The following PLXDC2 variants were observed in gnomAD, a reference collection of about 807,000 sequenced individuals.
PLXDC2 encodes plexin domain containing 2.
Under a neutral mutation model 68.9 loss-of-function variants are expected in PLXDC2, and 40 were observed. The observed-to-expected ratio is 0.58, with a 90% confidence interval of 0.45 to 0.76. PLXDC2 has a LOEUF of 0.76. Ranked by LOEUF, PLXDC2 falls within the 30% of genes least tolerant of loss-of-function variation. The pLI is 0.00. For synonymous variants in PLXDC2, 243 were observed against 234.2 expected (o/e 1.04, Z -0.34); for missense variants, 644 against 661.9 (o/e 0.97, Z 0.30).
intron 12 of PLXDC2, among the ~76,000 whole-genome samples, chr10:20,236,736 T>C (rs1835437240): frequency 6.6e-6 from 1 of 152,118 alleles, no homozygotes. Context: ...AGGGTCTTGC[T>C]CTGTCACCCA....
chr10:20,284,887 G>A lies in PLXDC2; in HGVS notation c.*5068G>A, dbSNP rs1836131665. The A allele has an allele frequency of 6.6e-6, 1 of 152,156 alleles. No homozygotes were observed. The highest frequency in any genetic ancestry group is 6.5e-5 in the Admixed American group (1 of 15,272). The allele number at this position is 152,156 out of a possible 1,614,324, so 9.4% of individuals were successfully genotyped here. A position where few individuals can be genotyped will look rare whatever the true frequency, so the allele number is the denominator to read the frequency against. On this transcript the variant is annotated 3_prime_UTR_variant, in exon 14 of 14. Transcript: ENST00000377252. Reference sequence around the variant, plus strand: ...ATCTTTATCTTTTTGCTGACTTAAGGAGGCTGCTATTGTTGCAATATCCAG... The same window carrying A: ...ATCTTTATCTTTTTGCTGACTTAAGAAGGCTGCTATTGTTGCAATATCCAG...
In PLXDC2 at chr10:19,906,782, T is replaced by A. The variant is rs552745488; in HGVS notation, c.112+89591T>A. Reference sequence around the variant, plus strand: ...GTGTGTGTGTTGCTGCCCTTTTAAATGAGGTGGTCAGAGAAGATTTTCACA... The same window carrying A: ...GTGTGTGTGTTGCTGCCCTTTTAAAAGAGGTGGTCAGAGAAGATTTTCACA... On this transcript the variant is annotated intron_variant, in intron 1 of 13. Transcript: ENST00000377252. Among the ~76,000 whole-genome samples, 17 of 152,294 alleles carry A rather than the reference T, an allele frequency of 1.1e-4. No individual in the cohort carries two copies. The South Asian group carries it at 3.5e-3, about 32-fold the overall frequency.
In PLXDC2 at chr10:20,216,512, TC is replaced by T. The variant is rs551448642; in HGVS notation, c.1123-913del. On this transcript the variant is annotated intron_variant, in intron 10 of 13. Transcript: ENST00000377252. ...ATGAAAAGGAGGCTGTCTCAGGAAGTCTGCATTAACAAGGGGAAAGGCACCT... is the reference window on the plus strand; with the variant it reads ...ATGAAAAGGAGGCTGTCTCAGGAAGTTGCATTAACAAGGGGAAAGGCACCT... 2.3e-4 allele frequency among the ~76,000 whole-genome samples: 35 copies of T among 152,292 alleles called. No homozygotes were observed. The East Asian group carries it at 5.0e-3, about 22-fold the overall frequency.
intron 1 of PLXDC2, among the ~76,000 whole-genome samples, chr10:19,876,617 A>AG: frequency 6.6e-6 from 1 of 151,040 alleles, no homozygotes; most frequent in Non-Finnish European, 1.5e-5. Flanking sequence ...AAAAAAAAAA[A>AG]AAAAAAAAGA....
At chr10:20,263,350 A>C (rs763245018) in intron 13 of PLXDC2, among the ~76,000 whole-genome samples, 7 of 152,220 alleles carry the variant, frequency 4.6e-5, no homozygotes, top group Non-Finnish European at 1.0e-4. Context: ...CATACACAAA[A>C]ATCTACTCAA....
At chr10:20,258,092 C>T in intron 13 of PLXDC2, among the ~76,000 whole-genome samples, 1 of 149,804 alleles carries the variant, frequency 6.7e-6, no homozygotes, top group Admixed American at 6.7e-5. Flanking sequence ...ACCTCCGCCT[C>T]CCGAGTTCAA....
At chr10:20,140,113 A>T (rs1266813533) in intron 4 of PLXDC2, among the ~76,000 whole-genome samples, 1 of 152,090 alleles carries the variant, frequency 6.6e-6, no homozygotes, top group African/African-American at 2.4e-5. Flanking sequence ...ATCCTGGCTA[A>T]CACAGTAAAA....
chr10:19,886,853 T>G (rs938533639), intron 1 of PLXDC2, among the ~76,000 whole-genome samples: 1 of 152,228 alleles, frequency 6.6e-6, no homozygotes, highest in Non-Finnish European at 1.5e-5. Flanking sequence ...AATATGTATT[T>G]ATGTTAGCGT....
chr10:19,842,918 T>C (rs901035336), intron 1 of PLXDC2, among the ~76,000 whole-genome samples: 9 of 152,126 alleles, frequency 5.9e-5, no homozygotes, highest in African/African-American at 1.9e-4. Context: ...CTGACAGGAG[T>C]AACTAAAAAA....
chr10:20,114,115 C>G (rs1833593293), intron 4 of PLXDC2, among the ~76,000 whole-genome samples: 1 of 152,130 alleles, frequency 6.6e-6, no homozygotes, highest in Admixed American at 6.5e-5. Flanking sequence ...CAGAGTGAGA[C>G]CCCATGTCAA....
intron 4 of PLXDC2, among the ~76,000 whole-genome samples, chr10:20,085,583 A>G (rs770223031): frequency 7.9e-5 from 12 of 152,324 alleles, no homozygotes; most frequent in Middle Eastern, 3.4e-3. Flanking sequence ...TGTATACAAG[A>G]TTAGTACTTA....
chr10:19,942,242 C>T (rs1833832000), intron 1 of PLXDC2, among the ~76,000 whole-genome samples: 1 of 152,156 alleles, frequency 6.6e-6, no homozygotes, highest in Non-Finnish European at 1.5e-5. Context: ...ATGGTAAAAG[C>T]TGTTGACTAC....
At chr10:20,109,760 CTT>C (rs1833535086) in intron 4 of PLXDC2, among the ~76,000 whole-genome samples, 1 of 152,136 alleles carries the variant, frequency 6.6e-6, no homozygotes. Flanking sequence ...ACTCGAATGA[CTT>C]AACTATTCAA....
chr10:20,217,750 A>T (rs1162794082), intron 11 of PLXDC2, among the ~76,000 whole-genome samples, 174 bp downstream of exon 11: 1 of 151,912 alleles, frequency 6.6e-6, no homozygotes, highest in South Asian at 2.1e-4. Context: ...AAAAGACAAA[A>T]TTATTATGAA....
rs1052217792 is a variant in PLXDC2 at position 20,279,328 on chromosome 10, AAG to A, written c.1474-368_1474-367del. ...GTGATATCAGTATTGACTTGTAGAG[AAG>A]AGAGAGTGTCTGTGCCCATATATTA... On this transcript the variant is annotated intron_variant, in intron 13 of 13. Coordinates refer to ENST00000377252, the MANE Select transcript of PLXDC2 (RefSeq NM_032812.9). Among the ~76,000 whole-genome samples the A allele has an allele frequency of 5.3e-5, 8 of 152,134 alleles. No homozygotes were observed. In the East Asian group the frequency reaches 9.6e-4, roughly 18 times the overall value.
intron 4 of PLXDC2, among the ~76,000 whole-genome samples, chr10:20,139,510 A>G (rs563915462): frequency 1.1e-4 from 17 of 152,358 alleles, no homozygotes; most frequent in African/African-American, 4.1e-4. Context: ...TAAAACATAT[A>G]CCTGAAGGAT....
At chr10:20,186,104 A>C (rs1834679096) in intron 9 of PLXDC2, among the ~76,000 whole-genome samples, 1 of 151,994 alleles carries the variant, frequency 6.6e-6, no homozygotes, top group Non-Finnish European at 1.5e-5. Flanking sequence ...TAAAAATACG[A>C]ATCTACTTCT....
At chr10:19,891,534 C>T (rs1837963852) in intron 1 of PLXDC2, among the ~76,000 whole-genome samples, 1 of 152,160 alleles carries the variant, frequency 6.6e-6, no homozygotes, top group Non-Finnish European at 1.5e-5. Flanking sequence ...CTCCTTAACT[C>T]CTCAAGCACC....
intron 7 of PLXDC2, among the ~76,000 whole-genome samples, chr10:20,176,099 A>C (rs907567795): frequency 6.6e-6 from 1 of 152,132 alleles, no homozygotes; most frequent in East Asian, 1.9e-4. Context: ...GTCTCCATCT[A>C]TCTTCTTCCT....
Sources: gnomAD v4.1 joint callset for allele counts (sites outside exome capture counted in the v4.1 genomes callset) on GRCh38, gnomAD v4.1.1 for gene constraint, MANE v1.5 for transcripts, NCBI Gene and HGNC (gene_info 2026-07-23, HGNC 2026-07-21) for gene names.